The following RNGTT variants were observed in gnomAD, a reference collection of about 807,000 sequenced individuals.
RNGTT encodes the protein RNA guanylyltransferase and 5'-phosphatase.
In RNGTT, 33 loss-of-function variants were observed where a neutral mutation model predicts 79.3. That is an observed-to-expected ratio of 0.42 (90% CI 0.32 to 0.56). The LOEUF (loss-of-function observed/expected upper bound fraction) is 0.56, where lower values mean the gene tolerates loss of function less well. Ranked by LOEUF, RNGTT falls within the 20% of genes least tolerant of loss-of-function variation. The probability of loss-of-function intolerance (pLI) is 0.17; values close to 1 mark genes in which losing one functional copy is unlikely to be tolerated. For missense variants in RNGTT, 497 were observed against 739.1 expected (o/e 0.67, Z 3.80); for synonymous variants, 222 against 235.9 (o/e 0.94, Z 0.54).
At chr6:88,716,813 G>C (rs902904792) in intron 13 of RNGTT, among the ~76,000 whole-genome samples, 1 of 152,158 alleles carries the variant, frequency 6.6e-6, no homozygotes, top group Non-Finnish European at 1.5e-5. Flanking sequence ...ACCGAGGCCT[G>C]TTGTGGGGTG....
chr6:88,736,727 C>G (rs2127822671), intron 13 of RNGTT, among the ~76,000 whole-genome samples: 1 of 152,272 alleles, frequency 6.6e-6, no homozygotes, highest in South Asian at 2.1e-4. Context: ...AGTAAAGAGA[C>G]TACGAAATTA....
chr6:88,822,685 G>C (rs949788178), intron 11 of RNGTT, among the ~76,000 whole-genome samples: 5 of 152,152 alleles, frequency 3.3e-5, no homozygotes, highest in South Asian at 4.1e-4. Context: ...ATTTGCAATA[G>C]TGGCAAATCT....
At chr6:88,618,117 G>A (rs369956373) in intron 14 of RNGTT, among the ~76,000 whole-genome samples, 3 of 152,076 alleles carry the variant, frequency 2.0e-5, no homozygotes, top group Non-Finnish European at 4.4e-5. Context: ...TAACAATTAA[G>A]CAGTACTATT....
chr6:88,643,157 A>G (rs901098432), intron 14 of RNGTT, among the ~76,000 whole-genome samples: 21 of 151,982 alleles, frequency 1.4e-4, no homozygotes, highest in Non-Finnish European at 2.4e-4. Context: ...TACATTTGGG[A>G]AAAAAAATCA....
At chr6:88,814,236 C>CTA (rs750794548) in intron 11 of RNGTT, among the ~76,000 whole-genome samples, 2 of 152,070 alleles carry the variant, frequency 1.3e-5, no homozygotes, top group Non-Finnish European at 2.9e-5. Context: ...CCTTTATTAC[C>CTA]TATATATATC....
At chr6:88,703,520 A>T (rs1054025969) in intron 13 of RNGTT, among the ~76,000 whole-genome samples, 1 of 152,188 alleles carries the variant, frequency 6.6e-6, no homozygotes, top group Non-Finnish European at 1.5e-5. Context: ...GCAACAACAG[A>T]CAACGGGGAC....
At chr6:88,879,610 C>T (rs983398411) in intron 8 of RNGTT, among the ~76,000 whole-genome samples, 1 of 152,052 alleles carries the variant, frequency 6.6e-6, no homozygotes. Flanking sequence ...ATTTGTCTTT[C>T]AAATGTATAC....
intron 4 of RNGTT, among the ~76,000 whole-genome samples, chr6:88,909,497 C>T (rs1357872054): frequency 6.6e-6 from 1 of 152,138 alleles, no homozygotes. Context: ...TGGTAGGTCC[C>T]TAAGGAGTTT....
At chr6:88,632,550 C>CACAT (rs1325709660) in intron 14 of RNGTT, among the ~76,000 whole-genome samples, 1 of 140,748 alleles carries the variant, frequency 7.1e-6, no homozygotes, top group East Asian at 2.2e-4. Context: ...CACAGACACA[C>CACAT]ACACACACAC....
intron 14 of RNGTT, among the ~76,000 whole-genome samples, chr6:88,675,517 C>A (rs1351243626): frequency 6.6e-6 from 1 of 152,024 alleles, no homozygotes; most frequent in Non-Finnish European, 1.5e-5. Flanking sequence ...CAGAGCAAGA[C>A]CCTGTCTGTA....
At position 88,704,121 on chromosome 6, in the gene RNGTT, G is replaced by A. The variant is rs1001297686; in HGVS notation, c.1440-25702C>T. On this transcript the variant is annotated intron_variant, in intron 13 of 15. Transcript: ENST00000369485. ...AAAAATACAAAAAAATTAGCCAGGCGTGGTGGCGGGCGCCTGTAATCCCAG... is the reference window on the plus strand; with the variant it reads ...AAAAATACAAAAAAATTAGCCAGGCATGGTGGCGGGCGCCTGTAATCCCAG... Among the ~76,000 whole-genome samples the A allele has an allele frequency of 5.7e-4, 87 of 151,914 alleles. 1 individual carries two copies. The highest frequency in any genetic ancestry group is 2.0e-3 in the African/African-American group (83 of 41,458).
chr6:88,942,998 C>T (rs192815951), intron 1 of RNGTT, among the ~76,000 whole-genome samples: 1 of 152,206 alleles, frequency 6.6e-6, no homozygotes, highest in Non-Finnish European at 1.5e-5. Context: ...GTGGCTCCCC[C>T]TCTCACCCTG....
chr6:88,912,660 A>G lies in RNGTT; in HGVS notation c.368-6220T>C, dbSNP rs73506542. ...CATTGGCTGGATTAACAAAGAAAAA[A>G]AAAGAGGGAAGATCCAAATAAGCAC... On this transcript the variant is annotated intron_variant, in intron 4 of 15. Transcript: ENST00000369485. Among the ~76,000 whole-genome samples, 454 of 152,312 alleles carry G rather than the reference A, an allele frequency of 3.0e-3. 1 individual carries two copies. The highest frequency in any genetic ancestry group is 0.01 in the African/African-American group (436 of 41,584).
chr6:88,844,837 C>T (rs1020942004), intron 10 of RNGTT, among the ~76,000 whole-genome samples: 3 of 152,022 alleles, frequency 2.0e-5, no homozygotes, highest in South Asian at 2.1e-4. Context: ...CCTGTAGTCC[C>T]AGCACTTTGG....
In RNGTT at chr6:88,909,969, TA is replaced by T. The variant is rs35012266; in HGVS notation, c.368-3530del. Among the ~76,000 whole-genome samples, 1,187 of 141,182 alleles carry T rather than the reference TA, an allele frequency of 8.4e-3. 8 individuals carry two copies. Among genetic ancestry groups the T allele is most frequent in the African/African-American group, 0.028 (1,071 of 38,694 alleles). The allele number at this position is 141,182 out of a possible 152,430, so 92.6% of individuals were successfully genotyped here. A position where few individuals can be genotyped will look rare whatever the true frequency, so the allele number is the denominator to read the frequency against. On this transcript the variant is annotated intron_variant, in intron 4 of 15. Transcript: ENST00000369485. ...AACTCTCAAGGGAAAAAAGAATATT[TA>T]AAAAAAAAAAACCCATTCAATCAAC...
intron 12 of RNGTT, among the ~76,000 whole-genome samples, chr6:88,791,479 T>C (rs989123177): frequency 1.3e-5 from 2 of 152,152 alleles, no homozygotes; most frequent in Admixed American, 6.5e-5. Flanking sequence ...TGTGTTAAAG[T>C]AGCCATAGGA....
chr6:88,632,536 GACACACAGACACACACAC>G (rs1562159769), intron 14 of RNGTT, among the ~76,000 whole-genome samples: 1 of 98,380 alleles, frequency 1.0e-5, no homozygotes, highest in African/African-American at 3.2e-5. Flanking sequence ...CAGACACACA[GACACACAGACACACACAC>G]ACACACACAC....
At chr6:88,955,985 G>A (rs1434159246) in intron 1 of RNGTT, among the ~76,000 whole-genome samples, 4 of 141,046 alleles carry the variant, frequency 2.8e-5, no homozygotes, top group African/African-American at 5.4e-5. Context: ...AGGTTGCAGT[G>A]AGCCAAGATG....
chr6:88,812,534 T>C (rs1245581558), intron 11 of RNGTT, among the ~76,000 whole-genome samples: 1 of 152,202 alleles, frequency 6.6e-6, no homozygotes, highest in Non-Finnish European at 1.5e-5. Context: ...CTGTGTTAAG[T>C]GTTTGAGATG....
Sources: gnomAD v4.1 joint callset for allele counts (sites outside exome capture counted in the v4.1 genomes callset) on GRCh38, gnomAD v4.1.1 for gene constraint, MANE v1.5 for transcripts, NCBI Gene and HGNC (gene_info 2026-07-23, HGNC 2026-07-21) for gene names.